Variants in UEVLD observed in about 807,000 individuals in gnomAD.
The protein encoded by UEVLD is ubiquitin-conjugating enzyme E2 variant 3.
In UEVLD, 47 loss-of-function variants were observed where a neutral mutation model predicts 58.6. The ratio of observed to expected loss-of-function variants is 0.80; its 90% CI spans 0.63 to 1.02. The LOEUF (loss-of-function observed/expected upper bound fraction) is 1.02, where lower values mean the gene tolerates loss of function less well. Among genes scored for constraint, UEVLD ranks in the 50% least tolerant of loss-of-function variants. The pLI is 0.00. For missense variants in UEVLD, 510 were observed against 550.6 expected (o/e 0.93, Z 0.74); for synonymous variants, 197 against 195.3 (o/e 1.01, Z -0.07).
Position 18,531,959 on chromosome 11 carries a change from A to G in UEVLD, c.*361T>C, listed in dbSNP as rs2133945660. On this transcript the variant is annotated 3_prime_UTR_variant, in exon 12 of 12. Coordinates refer to ENST00000396197, the MANE Select transcript of UEVLD (RefSeq NM_001040697.4). ...GGAACTTATGTTGATTATAAAAGTC[A>G]AAGGGTAATTTTCTTTTAAAGATAT... 1 of 154,614 alleles carries G rather than the reference A, an allele frequency of 6.5e-6. No individual in the cohort carries two copies. The highest frequency in any genetic ancestry group is 6.5e-5 in the Admixed American group (1 of 15,368). 9.6% of individuals were successfully genotyped at this position (154,614 alleles called of 1,614,324 possible). A position where few individuals can be genotyped will look rare whatever the true frequency, so the allele number is the denominator to read the frequency against.
chr11:18,579,401 T>A (rs1168776726), intron 1 of UEVLD: 19 of 974,652 alleles, frequency 1.9e-5, no homozygotes, highest in East Asian at 1.1e-4. Context: ...GAGTCTTTAA[T>A]CTCTAAATCA....
chr11:18,570,463 T>C lies in UEVLD; in HGVS notation c.194-86A>G, dbSNP rs577220431. 25 of 1,270,970 alleles carry C rather than the reference T, an allele frequency of 2.0e-5. No homozygotes were observed. In the African/African-American group the frequency reaches 3.8e-4, roughly 19 times the overall value. 78.7% of individuals were successfully genotyped at this position (1,270,970 alleles called of 1,614,324 possible). ...GCTAGGCGGCATTTTAAGAAATGAGTAGGCTGGGGTGGTGGCTGAAGCCTG... is the reference window on the plus strand; with the variant it reads ...GCTAGGCGGCATTTTAAGAAATGAGCAGGCTGGGGTGGTGGCTGAAGCCTG... On this transcript the variant is annotated intron_variant, in intron 3 of 11. Coordinates refer to ENST00000396197, the MANE Select transcript of UEVLD (RefSeq NM_001040697.4).
chr11:18,536,298 T>C (rs973025750), intron 10 of UEVLD, 108 bp downstream of exon 10: 4 of 999,584 alleles, frequency 4.0e-6, no homozygotes, highest in Non-Finnish European at 6.2e-6. Context: ...TTTGTCCATA[T>C]TAGTTTTGTT....
At chr11:18,581,479 T>C (rs547457320) in intron 1 of UEVLD, among the ~76,000 whole-genome samples, 2 of 151,254 alleles carry the variant, frequency 1.3e-5, no homozygotes, top group East Asian at 1.9e-4. Context: ...AGGTCAGGAG[T>C]TCGAGAACAG....
chr11:18,541,948 A>C (rs1851073162), intron 9 of UEVLD, among the ~76,000 whole-genome samples: 1 of 152,142 alleles, frequency 6.6e-6, no homozygotes, highest in African/African-American at 2.4e-5. Context: ...TGGCTCCCTA[A>C]AACAAAATGT....
Position 18,539,518 on chromosome 11 carries a change from GATGTTTTGAAAATTGTGTTTTGGCATGA to G in UEVLD, c.1061-3077_1061-3050del, listed in dbSNP as rs543262635. 4.1e-4 allele frequency among the ~76,000 whole-genome samples: 63 copies of G among 152,326 alleles called. 1 individual carries two copies. The South Asian group carries it at 5.8e-3, about 14-fold the overall frequency. On this transcript the variant is annotated intron_variant, in intron 9 of 11. Coordinates refer to ENST00000396197, the MANE Select transcript of UEVLD (RefSeq NM_001040697.4). ...TTTAAAAATTTGTTACATTGGGCGG[GATGTTTTGAAAATTGTGTTTTGGCATGA>G]ATGTTTTACTTAGATAAAAGGGTAA...
intron 6 of UEVLD, among the ~76,000 whole-genome samples, chr11:18,561,591 CA>C (rs1310399202): frequency 6.6e-6 from 1 of 152,124 alleles, no homozygotes; most frequent in Non-Finnish European, 1.5e-5. Context: ...CCTGTAATCC[CA>C]ACACTTTGGG....
intron 9 of UEVLD, among the ~76,000 whole-genome samples, chr11:18,540,170 T>C (rs530224050): frequency 6.6e-6 from 1 of 152,324 alleles, no homozygotes; most frequent in African/African-American, 2.4e-5. Context: ...GGTTCAAATC[T>C]CAGTTCTGCC....
chr11:18,547,139 A>G (rs1341710685), intron 7 of UEVLD, 89 bp from the exon 8 acceptor site: 20 of 1,388,876 alleles, frequency 1.4e-5, no homozygotes, highest in Non-Finnish European at 1.7e-5. Context: ...TTTTCAACAA[A>G]TAAGAGAGCT....
At chr11:18,560,158 C>A (rs1253963541) in intron 6 of UEVLD, among the ~76,000 whole-genome samples, 1 of 128,980 alleles carries the variant, frequency 7.8e-6, no homozygotes, top group Middle Eastern at 3.8e-3. Flanking sequence ...AAGAAAATAA[C>A]CCTGCTACAC....
chr11:18,536,326 G>A, intron 10 of UEVLD, 80 bp downstream of exon 10: 1 of 1,326,894 alleles, frequency 7.5e-7, no homozygotes, highest in East Asian at 2.3e-5. Flanking sequence ...GCCTGGTTAA[G>A]TACATACTGT....
intron 2 of UEVLD, among the ~76,000 whole-genome samples, chr11:18,576,859 A>C (rs1330064041): frequency 6.6e-6 from 1 of 152,126 alleles, no homozygotes; most frequent in East Asian, 1.9e-4. Context: ...AACTGTTCTC[A>C]CAATGCTCGG....
intron 5 of UEVLD, among the ~76,000 whole-genome samples, 172 bp from the exon 6 acceptor site, chr11:18,565,182 T>A (rs1852235921): frequency 6.6e-6 from 1 of 152,252 alleles, no homozygotes; most frequent in Non-Finnish European, 1.5e-5. Flanking sequence ...AGACGTTTCC[T>A]ATTAAATAGT....
chr11:18,586,216 T>A (rs1038066836), intron 1 of UEVLD, among the ~76,000 whole-genome samples: 1 of 151,438 alleles, frequency 6.6e-6, no homozygotes, highest in African/African-American at 2.4e-5. Flanking sequence ...TTTAAATTCA[T>A]TTTTTTTTAT....
chr11:18,553,275 A>C (rs990510027), intron 7 of UEVLD, among the ~76,000 whole-genome samples: 2 of 151,226 alleles, frequency 1.3e-5, no homozygotes, highest in African/African-American at 2.4e-5. Flanking sequence ...GCAGTGGGCC[A>C]CGATTGTGCC....
intron 7 of UEVLD, among the ~76,000 whole-genome samples, chr11:18,555,331 C>T (rs6486435): frequency 0.2 from 30,556 of 151,448 alleles, 3,225 homozygotes; most frequent in East Asian, 0.25. Flanking sequence ...GAGGCTGAGG[C>T]GGGAGAATGG....
At chr11:18,560,143 A>ACACCAGCCT (rs1218239654) in intron 6 of UEVLD, among the ~76,000 whole-genome samples, 1 of 106,064 alleles carries the variant, frequency 9.4e-6, no homozygotes, top group Non-Finnish European at 2.0e-5. Context: ...ACACACAGAG[A>ACACCAGCCT]GAGAAAGAAA....
chr11:18,540,049 A>G (rs565213407), intron 9 of UEVLD, among the ~76,000 whole-genome samples: 1 of 152,332 alleles, frequency 6.6e-6, no homozygotes, highest in South Asian at 2.1e-4. Flanking sequence ...TCACTGTAAT[A>G]ATAGCTACCA....
chr11:18,544,813 A>G lies in UEVLD; in HGVS notation c.887-17T>C. ...TGATTTCCACTAAATATTGCATACA[A>G]GGTAAAAAATGTAAAGGTTAAAAAA... is the stretch of plus-strand genomic sequence containing the variant. On this transcript the variant is annotated splice_polypyrimidine_tract_variant and intron_variant, in intron 8 of 11. Coordinates refer to ENST00000396197, the MANE Select transcript of UEVLD (RefSeq NM_001040697.4). The G allele has an allele frequency of 6.6e-7, 1 of 1,507,834 alleles. No homozygotes were observed. Among genetic ancestry groups the G allele is most frequent in the Non-Finnish European group, 8.8e-7 (1 of 1,136,712 alleles). 93.4% of individuals were successfully genotyped at this position (1,507,834 alleles called of 1,614,324 possible). A position where few individuals can be genotyped will look rare whatever the true frequency, so the allele number is the denominator to read the frequency against.
Sources: allele counts gnomAD v4.1 joint callset (sites outside exome capture counted in the v4.1 genomes callset), GRCh38; gene constraint gnomAD v4.1.1; transcripts MANE v1.5; gene names NCBI Gene and HGNC (gene_info 2026-07-23, HGNC 2026-07-21).